Variants in TTN observed in about 807,000 individuals in gnomAD.
TTN encodes titin, also known as connectin.
A neutral mutation model predicts 3,223.0 loss-of-function variants in TTN; 1,525 were observed. The ratio of observed to expected loss-of-function variants is 0.47; its 90% CI spans 0.45 to 0.49. The LOEUF (loss-of-function observed/expected upper bound fraction) is 0.49, where lower values mean the gene tolerates loss of function less well. Ranked by LOEUF, TTN falls within the 20% of genes least tolerant of loss-of-function variation. The probability of loss-of-function intolerance (pLI) is 0.00; values close to 1 mark genes in which losing one functional copy is unlikely to be tolerated. For synonymous variants in TTN, 14,094 were observed against 15,161.0 expected, an observed-to-expected ratio of 0.93 and a Z score of 5.17; for missense variants, 40,786 against 43,424.0, an observed-to-expected ratio of 0.94 and a Z score of 5.40.
chr2:178,652,557 T>C lies in TTN; in HGVS notation c.39044-16A>G, dbSNP rs2063227601. The C allele has an allele frequency of 6.2e-7, 1 of 1,612,750 alleles. No individual in the cohort carries two copies. The highest frequency in any genetic ancestry group is 1.7e-5 in the Admixed American group (1 of 59,876). ...GCCTCTGGCACTTAAAAGATATTAG[T>C]GAAATTACATTTAGAAGTTATGAAG... On this transcript the variant is annotated splice_polypyrimidine_tract_variant and intron_variant, in intron 201 of 362. Coordinates refer to ENST00000589042, the MANE Select transcript of TTN (RefSeq NM_001267550.2).
At chr2:178,584,144 T>C in intron 311 of TTN, 132 bp downstream of exon 311, 1 of 1,140,104 alleles carries the variant, frequency 8.8e-7, no homozygotes, top group South Asian at 1.8e-5. Flanking sequence ...GAACATATTC[T>C]TAAATGGGAG....
intron 316 of TTN, among the ~76,000 whole-genome samples, chr2:178,581,100 G>A (rs1360876338): frequency 6.6e-6 from 1 of 152,010 alleles, no homozygotes; most frequent in East Asian, 1.9e-4. Context: ...AAGAAGAAGG[G>A]AAATTAAGAT....
chr2:178,593,211 C>G lies in TTN; in HGVS notation c.58997G>C (p.Ser19666Thr). 6.2e-7 allele frequency: 1 copy of G among 1,613,376 alleles called. No individual in the cohort carries two copies. Among genetic ancestry groups the G allele is most frequent in the South Asian group, 1.1e-5 (1 of 91,062 alleles). Residue 19666 changes from serine (S) to threonine (T), a missense_variant, in exon 299 of 363, where the codon AGC becomes ACC. By Grantham distance (58) the Ser-to-Thr change is moderately conservative. Transcript: ENST00000589042. ...AENEIGIGDPSPPSKPVFAKD... is the reference protein window; with the variant it reads ...AENEIGIGDPTPPSKPVFAKD... ...AGCAAAGACTGGTTTGGATGGTGGGCTTGGATCTCCAATACCAATTTCATT... is the reference window on the plus strand; with the variant it reads ...AGCAAAGACTGGTTTGGATGGTGGGGTTGGATCTCCAATACCAATTTCATT...
intron 102 of TTN, 91 bp downstream of exon 102, chr2:178,706,363 A>T: frequency 1.4e-6 from 2 of 1,386,884 alleles, no homozygotes; most frequent in Non-Finnish European, 1.9e-6. Context: ...TTTGTTCTTT[A>T]ATACTTTCCA....
At position 178,653,094 on chromosome 2, in the gene TTN, T is replaced by G; in HGVS notation, c.38822A>C (p.Glu12941Ala). 1 of 1,613,152 alleles carries G rather than the reference T, an allele frequency of 6.2e-7. No individual in the cohort carries two copies. Reference sequence around the variant, plus strand: ...AGGAGGAGTCACTGGCACTTTCTTTTCAGGAACAACTTCTTTGGGAGCCTC... The same window carrying G: ...AGGAGGAGTCACTGGCACTTTCTTTGCAGGAACAACTTCTTTGGGAGCCTC... Reference protein sequence around the residue: ...VPEAPKEVVPEKKVPVTPPKK... With the variant: ...VPEAPKEVVPAKKVPVTPPKK... The change falls in exon 199 of 363, where the codon GAA (glutamate) becomes GCA (alanine). Residue 12941 changes from glutamate (E) to alanine (A), a missense_variant. Physicochemically the swap from Glu to Ala is moderately radical, Grantham distance 107. Coordinates refer to ENST00000589042, the MANE Select transcript of TTN (RefSeq NM_001267550.2).
In TTN at chr2:178,800,802, T is replaced by C. The variant is rs138789520; in HGVS notation, c.296-120A>G. ...GATGACTCGCCAATCTAAACATCCT[T>C]GAATGTCCTTGAACCCAGCTCACCC... is the stretch of plus-strand genomic sequence containing the variant. On this transcript the variant is annotated intron_variant, in intron 3 of 362. Transcript: ENST00000589042. The C allele has an allele frequency of 3.9e-5, 45 of 1,144,688 alleles. 1 individual carries two copies. In the Middle Eastern group the frequency reaches 1.2e-3, roughly 31 times the overall value. The allele number at this position is 1,144,688 out of a possible 1,614,324, so 70.9% of individuals were successfully genotyped here. A position where few individuals can be genotyped will look rare whatever the true frequency, so the allele number is the denominator to read the frequency against.
intron 33 of TTN, among the ~76,000 whole-genome samples, chr2:178,772,657 T>A (rs2091698887): frequency 6.6e-6 from 1 of 152,132 alleles, no homozygotes; most frequent in South Asian, 2.1e-4. Context: ...AAATAATTCT[T>A]TAGAGTAAGG....
chr2:178,668,797 C>A, intron 159 of TTN, among the ~76,000 whole-genome samples: 1 of 148,920 alleles, frequency 6.7e-6, no homozygotes, highest in Non-Finnish European at 1.5e-5. Context: ...GGTTGTTGAA[C>A]AGTATTCTAT....
At chr2:178,719,531 C>T (rs1237909312) in intron 82 of TTN, 23 bp downstream of exon 82, 1 of 1,590,638 alleles carries the variant, frequency 6.3e-7, no homozygotes, top group East Asian at 2.2e-5. Context: ...ATTGTATATT[C>T]ATAAAAATCT....
chr2:178,671,876 G>A, intron 155 of TTN, 95 bp downstream of exon 155: 2 of 1,309,320 alleles, frequency 1.5e-6, no homozygotes, highest in Non-Finnish European at 2.1e-6. Context: ...TATTTCATGG[G>A]GTTTCTAATC....
Position 178,579,164 on chromosome 2 carries a change from T to G in TTN, c.67866A>C (p.Thr22622=), listed in dbSNP as rs1559485882. 6.2e-7 allele frequency: 1 copy of G among 1,613,406 alleles called. No individual in the cohort carries two copies. The highest frequency in any genetic ancestry group is 1.3e-5 in the African/African-American group (1 of 75,010). ...DCQKSDAGKY[T]ITLKNVAGTK... ...TGCCAGCAACATTCTTAAGTGTGATTGTGTATTTTCCAGCATCAGATTTTT... is the reference window on the plus strand; with the variant it reads ...TGCCAGCAACATTCTTAAGTGTGATGGTGTATTTTCCAGCATCAGATTTTT... The change falls in exon 320 of 363, where the codon ACA becomes ACC. Residue 22622 remains threonine, a synonymous_variant. Coordinates refer to ENST00000589042, the MANE Select transcript of TTN (RefSeq NM_001267550.2).
Position 178,636,617 on chromosome 2 carries a change from C to T in TTN, c.41110G>A (p.Ala13704Thr), listed in dbSNP as rs1259815299. The T allele has an allele frequency of 3.7e-6, 6 of 1,613,308 alleles. No homozygotes were observed. Among genetic ancestry groups the T allele is most frequent in the Non-Finnish European group, 8.5e-7 (1 of 1,179,598 alleles). Reference protein sequence around the residue: ...LTESEFVGSSAIFECLVSPST... With the variant: ...LTESEFVGSSTIFECLVSPST... ...GGGGAGACCAAACATTCAAAGATTG[C>T]TGAAGAGCCAACGAACTCTGATTCT... Residue 13704 changes from alanine (A) to threonine (T), a missense_variant, in exon 225 of 363, where the codon GCA becomes ACA. Coordinates refer to ENST00000589042, the MANE Select transcript of TTN (RefSeq NM_001267550.2). This position sits in a 1 kb window ranked among gnomAD's most constrained non-coding sequence, Gnocchi z 4.3.
Position 178,714,003 on chromosome 2 carries a change from G to A in TTN, c.26655C>T (p.Ser8885=), listed in dbSNP as rs2562839. ...GTGCTACATTGATGATCTTAAGGCC[G>A]GATACTTTGTTGAAGAAGCTTATTT... is the stretch of plus-strand genomic sequence containing the variant. ...KYKISFFNKV[S]GLKIINVAPS... Residue 8885 remains serine (S), a synonymous_variant, in exon 92 of 363, where the codon TCC becomes TCT. Transcript: ENST00000589042. The A allele has an allele frequency of 0.25, 398,299 of 1,612,968 alleles. 58,094 individuals carry two copies. The highest frequency in any genetic ancestry group is 0.65 in the East Asian group (29,033 of 44,792).
Position 178,663,060 on chromosome 2 carries a change from A to G in TTN, c.36701-5T>C. On this transcript the variant is annotated splice_polypyrimidine_tract_variant and splice_region_variant and intron_variant, in intron 173 of 362. Transcript: ENST00000589042. ...TCGGTGGCAGCACTTCAGGCACTTC[A>G]AAGATATTTGTAATTTGTGTTTAGA... The G allele has an allele frequency of 6.2e-7, 1 of 1,604,188 alleles. No individual in the cohort carries two copies. The highest frequency in any genetic ancestry group is 8.5e-7 in the Non-Finnish European group (1 of 1,174,838).
rs969214255 is a variant in TTN, at chr2:178,778,565, T to C, written c.4208+309A>G. ...AGTGTTCCTATTTCCAAACCAATAATAGTCATCTTTTTATTGCAGGGCTGT... is the reference window on the plus strand; with the variant it reads ...AGTGTTCCTATTTCCAAACCAATAACAGTCATCTTTTTATTGCAGGGCTGT... On this transcript the variant is annotated intron_variant, in intron 24 of 362. Coordinates refer to ENST00000589042, the MANE Select transcript of TTN (RefSeq NM_001267550.2). The C allele has an allele frequency of 1.5e-4, 57 of 391,428 alleles. 1 individual carries two copies. The highest frequency in any genetic ancestry group is 1.1e-3 in the African/African-American group (52 of 48,580). The allele number at this position is 391,428 out of a possible 1,614,324, so 24.2% of individuals were successfully genotyped here.
rs768793048 is a variant in TTN at position 178,551,896 on chromosome 2, T to C, written c.91004A>G (p.Asn30335Ser). The C allele has an allele frequency of 6.2e-6, 10 of 1,613,896 alleles. No individual in the cohort carries two copies. The highest frequency in any genetic ancestry group is 7.6e-6 in the Non-Finnish European group (9 of 1,179,810). ...TAGTGACATGCCATCAGAAGTCACATTGTATATAACTGGCTTTCCTGGGGG... is the reference window on the plus strand; with the variant it reads ...TAGTGACATGCCATCAGAAGTCACACTGTATATAACTGGCTTTCCTGGGGG... ...PGPPGKPVIY[N>S]VTSDGMSLTW... is the part of the protein sequence containing the mutation. The change falls in exon 335 of 363, where the codon AAT becomes AGT. Residue 30335 changes from asparagine (N) to serine (S), a missense_variant. Physicochemically the swap from Asn to Ser is conservative, Grantham distance 46. Transcript: ENST00000589042.
At chr2:178,772,955 G>T (rs901580161) in intron 33 of TTN, 154 bp downstream of exon 33, 1 of 891,082 alleles carries the variant, frequency 1.1e-6, no homozygotes, top group Non-Finnish European at 1.7e-6. Context: ...ATTTAGGCTG[G>T]TGGGAATGGT....
Position 178,705,077 on chromosome 2 carries a change from C to T in TTN, c.29604+97G>A, listed in dbSNP as rs72650005. On this transcript the variant is annotated intron_variant, in intron 103 of 362. Coordinates refer to ENST00000589042, the MANE Select transcript of TTN (RefSeq NM_001267550.2). ...ATGCTGGTTAGGTCATATTAAATGA[C>T]GTCATATAACTATAGGATTCTGGTA... 5,333 of 1,570,128 alleles carry T rather than the reference C, an allele frequency of 3.4e-3. 15 individuals are homozygous for T. Among genetic ancestry groups the T allele is most frequent in the Non-Finnish European group, 4.1e-3 (4,690 of 1,153,948 alleles).
intron 121 of TTN, 139 bp downstream of exon 121, chr2:178,691,877 G>A (rs2072541279): frequency 1.7e-6 from 1 of 590,142 alleles, no homozygotes; most frequent in African/African-American, 1.9e-5. Flanking sequence ...GCATGGCACG[G>A]AAGCTGACAA....
Sources: allele counts gnomAD v4.1 joint callset (sites outside exome capture counted in the v4.1 genomes callset), GRCh38; gene constraint gnomAD v4.1.1; non-coding constraint Gnocchi (gnomAD v3.1); transcripts MANE v1.5; gene names NCBI Gene and HGNC (gene_info 2026-07-23, HGNC 2026-07-21).